ANKRD33B: variants seen among roughly 807,000 people sequenced by gnomAD.
ANKRD33B encodes the protein ankyrin repeat domain 33B.
ANKRD33B carries 6 observed loss-of-function variants against 21.5 expected under a neutral mutation model. That is an observed-to-expected ratio of 0.28 (90% CI 0.15 to 0.55). ANKRD33B has a LOEUF of 0.55. Among genes scored for constraint, ANKRD33B ranks in the 20% least tolerant of loss-of-function variants. ANKRD33B has a pLI of 0.94. For synonymous variants in ANKRD33B, 347 were observed against 342.4 expected, an observed-to-expected ratio of 1.01 and a Z score of -0.15; for missense variants, 698 against 747.2, an observed-to-expected ratio of 0.93 and a Z score of 0.77.
chr5:10,589,171 G>A (rs1320354963), intron 1 of ANKRD33B, among the ~76,000 whole-genome samples: 1 of 152,036 alleles, frequency 6.6e-6, no homozygotes, highest in Non-Finnish European at 1.5e-5. Flanking sequence ...ACCGTGCTGT[G>A]GGAAACCCAC....
chr5:10,618,046 G>A (rs1176897560), intron 1 of ANKRD33B, among the ~76,000 whole-genome samples: 3 of 152,152 alleles, frequency 2.0e-5, no homozygotes, highest in Non-Finnish European at 4.4e-5. Context: ...CCCCATAGTT[G>A]GTGTGTTTCC....
chr5:10,588,924 T>C (rs1735622790), intron 1 of ANKRD33B, among the ~76,000 whole-genome samples: 2 of 152,208 alleles, frequency 1.3e-5, no homozygotes, highest in Admixed American at 1.3e-4. Context: ...TCATCACTTA[T>C]GCATATGAAT....
At chr5:10,606,869 C>G (rs1412266680) in intron 1 of ANKRD33B, among the ~76,000 whole-genome samples, 5 of 151,640 alleles carry the variant, frequency 3.3e-5, no homozygotes, top group African/African-American at 1.2e-4. Flanking sequence ...GTTGCGATTA[C>G]AGGTGTGCGT....
Position 10,650,151 on chromosome 5 carries a change from C to T in ANKRD33B, c.*38C>T, listed in dbSNP as rs980566524. Reference sequence around the variant, plus strand: ...CTGGCGCTGGGGCCGGGGCTGGGGCCGGGGCGGGGCCGCAGGGCTGGGCGC... The same window carrying T: ...CTGGCGCTGGGGCCGGGGCTGGGGCTGGGGCGGGGCCGCAGGGCTGGGCGC... On this transcript the variant is annotated 3_prime_UTR_variant, in exon 4 of 4. Coordinates refer to ENST00000296657, the MANE Select transcript of ANKRD33B (RefSeq NM_001164440.2). 21 of 1,295,396 alleles carry T rather than the reference C, an allele frequency of 1.6e-5. 1 individual carries two copies. Among genetic ancestry groups the T allele is most frequent in the Admixed American group, 5.7e-5 (2 of 35,020 alleles). The allele number at this position is 1,295,396 out of a possible 1,614,324, so 80.2% of individuals were successfully genotyped here.
chr5:10,649,903 G>T lies in ANKRD33B; in HGVS notation c.1275G>T (p.Arg425=), dbSNP rs775884736. Residue 425 remains arginine (R), a synonymous_variant, in exon 4 of 4, where the codon CGG becomes CGT. Transcript: ENST00000296657. ...RSVRPGVVVP[R]VRVSKAPAPT... The stretch of plus-strand genomic sequence containing the variant: ...TGCGGCCCGGTGTGGTGGTGCCCCG[G>T]GTCCGAGTCAGCAAGGCGCCCGCGC... 2.6e-6 allele frequency: 4 copies of T among 1,516,940 alleles called. No homozygotes were observed. In the South Asian group the frequency reaches 3.6e-5, roughly 14 times the overall value. The allele number at this position is 1,516,940 out of a possible 1,614,324, so 94.0% of individuals were successfully genotyped here. A position where few individuals can be genotyped will look rare whatever the true frequency, so the allele number is the denominator to read the frequency against.
At chr5:10,625,211 C>G (rs1736518474) in intron 2 of ANKRD33B, 1 of 156,384 alleles carries the variant, frequency 6.4e-6, no homozygotes, top group African/African-American at 2.4e-5. Flanking sequence ...AATTTCATAA[C>G]CAGTTTTATT....
chr5:10,580,913 C>G (rs1399072636), intron 1 of ANKRD33B, among the ~76,000 whole-genome samples: 1 of 152,124 alleles, frequency 6.6e-6, no homozygotes, highest in Admixed American at 6.5e-5. Flanking sequence ...CAACCCAACA[C>G]TCCAAACTCA....
At chr5:10,592,624 C>CA (rs35505524) in intron 1 of ANKRD33B, among the ~76,000 whole-genome samples, 63,562 of 134,594 alleles carry the variant, frequency 0.47, 15,385 homozygotes, top group East Asian at 0.6. Context: ...GAGACTCTGT[C>CA]AAAAAAAAAA....
At chr5:10,579,366 T>C (rs199560224) in intron 1 of ANKRD33B, among the ~76,000 whole-genome samples, 158 of 147,636 alleles carry the variant, frequency 1.1e-3, no homozygotes, top group African/African-American at 3.8e-3. Flanking sequence ...TTTTTTTTTT[T>C]GGAAAAACCA....
At chr5:10,608,617 T>C (rs141454234) in intron 1 of ANKRD33B, among the ~76,000 whole-genome samples, 31 of 149,828 alleles carry the variant, frequency 2.1e-4, no homozygotes, top group Admixed American at 6.0e-4. Flanking sequence ...AAGGTAAAAT[T>C]AAACTTCTAT....
At chr5:10,610,479 C>T (rs1579732904) in intron 1 of ANKRD33B, among the ~76,000 whole-genome samples, 1 of 151,496 alleles carries the variant, frequency 6.6e-6, no homozygotes, top group East Asian at 1.9e-4. Context: ...AGGCGAGGAT[C>T]GCAATTAATT....
At position 10,657,029 on chromosome 5, in the gene ANKRD33B, G is replaced by C. The variant is rs1463221065; in HGVS notation, c.*6916G>C. ...TCCATCAAAGCAATGGTCCGTGTTGGCCTGATGCTTTAAGAAGTTTGAGGA... is the reference window on the plus strand; with the variant it reads ...TCCATCAAAGCAATGGTCCGTGTTGCCCTGATGCTTTAAGAAGTTTGAGGA... On this transcript the variant is annotated 3_prime_UTR_variant, in exon 4 of 4. Transcript: ENST00000296657. 1 of 152,070 alleles carries C rather than the reference G, an allele frequency of 6.6e-6. No homozygotes were observed. Among genetic ancestry groups the C allele is most frequent in the East Asian group, 1.9e-4 (1 of 5,332 alleles). 9.4% of individuals were successfully genotyped at this position (152,070 alleles called of 1,614,324 possible).
chr5:10,603,372 C>T (rs551811308), intron 1 of ANKRD33B, among the ~76,000 whole-genome samples: 2 of 152,178 alleles, frequency 1.3e-5, no homozygotes, highest in East Asian at 3.9e-4. Context: ...AAGTGATTCT[C>T]CTGCCTCAGC....
At chr5:10,643,094 A>G (rs914271271) in intron 3 of ANKRD33B, among the ~76,000 whole-genome samples, 5 of 152,020 alleles carry the variant, frequency 3.3e-5, no homozygotes, top group African/African-American at 1.2e-4. Flanking sequence ...TAGGAGAGAC[A>G]GGGTTTCTCC....
At chr5:10,579,340 C>G (rs2126551093) in intron 1 of ANKRD33B, among the ~76,000 whole-genome samples, 1 of 148,652 alleles carries the variant, frequency 6.7e-6, no homozygotes, top group Non-Finnish European at 1.5e-5. Flanking sequence ...TCCAAGAAGC[C>G]TGCTAAGTAA....
intron 1 of ANKRD33B, among the ~76,000 whole-genome samples, chr5:10,598,241 T>C (rs979412516): frequency 1.3e-5 from 2 of 152,188 alleles, no homozygotes; most frequent in African/African-American, 4.8e-5. Flanking sequence ...CAATGCCTTG[T>C]TGCGTTTTAA....
In ANKRD33B at chr5:10,612,726, G is replaced by A. The variant is rs1293679738; in HGVS notation, c.367-5607G>A. Among the ~76,000 whole-genome samples the A allele has an allele frequency of 3.9e-5, 6 of 152,154 alleles. No homozygotes were observed. In the East Asian group the frequency reaches 5.8e-4, roughly 15 times the overall value. ...CCTGGATGCCCACCCCGTCCCCAGC[G>A]CAAGATTCTTTTCTTAGACCCCTGA... On this transcript the variant is annotated intron_variant, in intron 1 of 3. Transcript: ENST00000296657.
In ANKRD33B at chr5:10,593,225, A is replaced by C. The variant is rs1305460659; in HGVS notation, c.367-25108A>C. ...ATTATTAGTTGAGTCAACTGGCATA[A>C]TAGGACTCTCTTTTTTTCTGTGCAG... On this transcript the variant is annotated intron_variant, in intron 1 of 3. Coordinates refer to ENST00000296657, the MANE Select transcript of ANKRD33B (RefSeq NM_001164440.2). 2.0e-5 allele frequency among the ~76,000 whole-genome samples: 3 copies of C among 152,298 alleles called. No individual in the cohort carries two copies. The East Asian group carries it at 5.8e-4, about 29-fold the overall frequency.
At chr5:10,604,977 T>A (rs1033353990) in intron 1 of ANKRD33B, among the ~76,000 whole-genome samples, 10 of 152,236 alleles carry the variant, frequency 6.6e-5, no homozygotes, top group African/African-American at 2.4e-4. Context: ...GACTGAGGGT[T>A]TCTCGTGAGT....
Sources: gnomAD v4.1 joint callset for allele counts (sites outside exome capture counted in the v4.1 genomes callset) on GRCh38, gnomAD v4.1.1 for gene constraint, MANE v1.5 for transcripts, NCBI Gene and HGNC (gene_info 2026-07-23, HGNC 2026-07-21) for gene names.